The following ZSCAN18 variants were observed in gnomAD, a reference collection of about 807,000 sequenced individuals.
The protein encoded by ZSCAN18 is zinc finger and SCAN domain containing 18.
A neutral mutation model predicts 31.1 loss-of-function variants in ZSCAN18; 16 were observed. The ratio of observed to expected loss-of-function variants is 0.51; its 90% CI spans 0.35 to 0.78. ZSCAN18 has a LOEUF of 0.78. Among genes scored for constraint, ZSCAN18 ranks in the 30% least tolerant of loss-of-function variants. ZSCAN18 has a pLI of 0.01. For synonymous variants in ZSCAN18, 375 were observed against 320.7 expected (o/e 1.17, Z -1.81); for missense variants, 731 against 697.4 (o/e 1.05, Z -0.54).
At chr19:58,097,053 C>T (rs927888003) in intron 1 of ZSCAN18, among the ~76,000 whole-genome samples, 26 of 152,172 alleles carry the variant, frequency 1.7e-4, no homozygotes, top group African/African-American at 6.3e-4. Flanking sequence ...CCCGCTCTGA[C>T]TCCAGGGCAG....
chr19:58,085,497 G>T, intron 6 of ZSCAN18, 118 bp from the exon 7 acceptor site: 1 of 909,038 alleles, frequency 1.1e-6, no homozygotes, highest in Non-Finnish European at 1.6e-6. Context: ...GATCCCCGCG[G>T]GGCTCACGGC....
At chr19:58,097,834 C>T in intron 1 of ZSCAN18, 1 of 622,314 alleles carries the variant, frequency 1.6e-6, no homozygotes, top group Non-Finnish European at 2.0e-6. Context: ...TCTCCCCCAT[C>T]AGGAGCCGCC....
At chr19:58,086,099 T>C in intron 6 of ZSCAN18, 75 bp downstream of exon 6, 1 of 1,324,018 alleles carries the variant, frequency 7.6e-7, no homozygotes, top group African/African-American at 1.4e-5. Flanking sequence ...CTGATGGCGC[T>C]GGGAGGGGCC....
chr19:58,086,319 A>T, intron 5 of ZSCAN18, 53 bp from the exon 6 acceptor site: 1 of 1,551,162 alleles, frequency 6.4e-7, no homozygotes, highest in East Asian at 2.3e-5. Context: ...AGAGTGGCTG[A>T]TGGGTGTTGT....
At chr19:58,103,557 C>T (rs2074611215) in intron 1 of ZSCAN18, among the ~76,000 whole-genome samples, 1 of 152,204 alleles carries the variant, frequency 6.6e-6, no homozygotes, top group South Asian at 2.1e-4. Context: ...CTATATAAGA[C>T]AATGAACTCA....
At chr19:58,107,521 A>T in intron 1 of ZSCAN18, 1 of 356,696 alleles carries the variant, frequency 2.8e-6, no homozygotes, top group Non-Finnish European at 3.9e-6. Flanking sequence ...AGATCACACT[A>T]CTGCACTGCA....
At chr19:58,096,727 C>T (rs1009710436) in intron 1 of ZSCAN18, among the ~76,000 whole-genome samples, 1 of 152,226 alleles carries the variant, frequency 6.6e-6, no homozygotes. Context: ...CAGGGAAGCT[C>T]AATGCATGGG....
In ZSCAN18 at chr19:58,084,174, G is replaced by T. The variant is rs997970519; in HGVS notation, c.*511C>A. On this transcript the variant is annotated 3_prime_UTR_variant, in exon 7 of 7. Coordinates refer to ENST00000601144, the MANE Select transcript of ZSCAN18 (RefSeq NM_001145543.2). The surrounding 1 kb of genome is among the most constrained non-coding windows in gnomAD (Gnocchi z 4.5). ...GATCTCTGCGAGCTACTCCATATAG[G>T]TAAACACACGCGAGGTAAACTAGGA... 1 of 152,556 alleles carries T rather than the reference G, an allele frequency of 6.6e-6. No individual in the cohort carries two copies. Among genetic ancestry groups the T allele is most frequent in the Non-Finnish European group, 1.5e-5 (1 of 68,284 alleles). 9.5% of individuals were successfully genotyped at this position (152,556 alleles called of 1,614,324 possible). A position where few individuals can be genotyped will look rare whatever the true frequency, so the allele number is the denominator to read the frequency against.
chr19:58,087,516 C>T, intron 3 of ZSCAN18, 112 bp from the exon 4 acceptor site: 1 of 893,770 alleles, frequency 1.1e-6, no homozygotes. Context: ...GCTTCTGTGA[C>T]AGCAGCACCC....
At chr19:58,112,449 G>T (rs2074691244) in intron 1 of ZSCAN18, among the ~76,000 whole-genome samples, 2 of 151,970 alleles carry the variant, frequency 1.3e-5, no homozygotes, top group African/African-American at 4.8e-5. Flanking sequence ...AGGAGATCGA[G>T]ATCATCCTGG....
rs1428915665 is a variant in ZSCAN18, at chr19:58,106,529, C to T, written c.130+11738G>A. 2.3e-4 allele frequency among the ~76,000 whole-genome samples: 9 copies of T among 39,066 alleles called. 4 individuals are homozygous for T. Among genetic ancestry groups the T allele is most frequent in the African/African-American group, 4.5e-4 (7 of 15,680 alleles). 25.6% of individuals were successfully genotyped at this position (39,066 alleles called of 152,430 possible). On this transcript the variant is annotated intron_variant, in intron 1 of 1. Coordinates refer to the ZSCAN18 transcript ENST00000595721. ...CATCCCGGCTAAAACGGTGAAACCC[C>T]GTCTCTACTAAAAATACAAAAAAAA...
chr19:58,107,479 T>A, intron 1 of ZSCAN18: 1 of 185,250 alleles, frequency 5.4e-6, no homozygotes, highest in South Asian at 1.9e-4. Flanking sequence ...GAGAATCGCT[T>A]GAACCCAAGA....
intron 2 of ZSCAN18, 81 bp downstream of exon 2, chr19:58,089,784 C>G: frequency 6.7e-7 from 1 of 1,502,134 alleles, no homozygotes; most frequent in East Asian, 2.3e-5. Flanking sequence ...CTATCTCAGG[C>G]AAGCCATGGC....
At chr19:58,108,871 A>G in intron 1 of ZSCAN18, 1 of 1,003,900 alleles carries the variant, frequency 1.0e-6, no homozygotes. Flanking sequence ...ATCTTCATCA[A>G]GGTGGCTAGG....
intron 1 of ZSCAN18, chr19:58,107,668 C>G: frequency 1.0e-6 from 1 of 986,510 alleles, no homozygotes; most frequent in Non-Finnish European, 1.2e-6. Flanking sequence ...TACTTTCAAA[C>G]AACATAAACT....
At chr19:58,111,378 A>G (rs1283825648) in intron 1 of ZSCAN18, among the ~76,000 whole-genome samples, 1 of 152,106 alleles carries the variant, frequency 6.6e-6, no homozygotes, top group East Asian at 1.9e-4. Flanking sequence ...ACAGGGTCTC[A>G]TTCTGCTACC....
chr19:58,084,986 T>G lies in ZSCAN18; in HGVS notation c.1232A>C (p.Lys411Thr). ...GADEPGLSRG[K>T]PYACGECGEA... ...CCCGCACTCGCCGCAGGCATAGGGC[T>G]TCCCGCGGGACAAGCCCGGCTCGTC... Residue 411 changes from lysine (K) to threonine (T), a missense_variant, in exon 7 of 7, where the codon AAG becomes ACG. By Grantham distance (78) the Lys-to-Thr change is moderately conservative (BLOSUM62 -1). Around this residue, in one of 4 missense-constraint regions of ZSCAN18, gnomAD observed 597 missense variants for 499.5 expected, o/e 1.20. Transcript: ENST00000601144. The surrounding 1 kb of genome is among the most constrained non-coding windows in gnomAD (Gnocchi z 4.5). 1 of 1,597,968 alleles carries G rather than the reference T, an allele frequency of 6.3e-7. No individual in the cohort carries two copies. Among genetic ancestry groups the G allele is most frequent in the Admixed American group, 1.7e-5 (1 of 57,950 alleles).
At chr19:58,106,135 C>T (rs1600007116) in intron 1 of ZSCAN18, among the ~76,000 whole-genome samples, 1 of 152,194 alleles carries the variant, frequency 6.6e-6, no homozygotes, top group African/African-American at 2.4e-5. Context: ...GGCACAATGG[C>T]TCACACCTGT....
intron 3 of ZSCAN18, chr19:58,088,412 A>G (rs910955804): frequency 5.4e-6 from 2 of 367,180 alleles, no homozygotes; most frequent in South Asian, 4.1e-5. Flanking sequence ...TTATTTTCAG[A>G]GGGTTCATGG....
Sources: allele counts gnomAD v4.1 joint callset (sites outside exome capture counted in the v4.1 genomes callset), GRCh38; gene constraint gnomAD v4.1.1; regional missense constraint gnomAD v4.1.1; non-coding constraint Gnocchi (gnomAD v3.1); transcripts MANE v1.5; gene names NCBI Gene and HGNC (gene_info 2026-07-23, HGNC 2026-07-21).